HTR2C: variants seen among roughly 807,000 people sequenced by gnomAD.
The protein encoded by HTR2C is 5-hydroxytryptamine receptor 2C.
A neutral mutation model predicts 21.0 loss-of-function variants in HTR2C; 5 were observed. The observed-to-expected ratio is 0.24, with a 90% CI of 0.12 to 0.50. The LOEUF (loss-of-function observed/expected upper bound fraction) is 0.50, where lower values mean the gene tolerates loss of function less well. HTR2C is among the 20% of genes least tolerant of loss of function. The pLI, the probability that HTR2C is intolerant of heterozygous loss-of-function variation, is 0.98. For missense variants in HTR2C, 271 were observed against 371.2 expected (o/e 0.73, Z 2.22); for synonymous variants, 150 against 145.3 (o/e 1.03, Z -0.23).
intron 2 of HTR2C, among the ~76,000 whole-genome samples, chrX:114,704,113 T>C (rs1295656642): frequency 1.1e-4 from 12 of 111,541 alleles, no homozygotes; most frequent in South Asian, 3.8e-4. Context: ...GATTCACAGC[T>C]GAATTCTACT....
chrX:114,775,004 T>C, intron 4 of HTR2C: 1 of 488,701 alleles, frequency 2.0e-6, no homozygotes, highest in Non-Finnish European at 3.7e-6. Context: ...AATTCTTCCT[T>C]CTTAGCAGCC....
At chrX:114,661,433 A>G (rs1930985705) in intron 2 of HTR2C, among the ~76,000 whole-genome samples, 1 of 111,362 alleles carries the variant, frequency 9.0e-6, no homozygotes, top group African/African-American at 3.3e-5. Context: ...TATCCAATAA[A>G]CCATTCCAAA....
At chrX:114,624,069 T>G (rs995898513) in intron 2 of HTR2C, among the ~76,000 whole-genome samples, 2 of 108,050 alleles carry the variant, frequency 1.9e-5, no homozygotes, top group East Asian at 5.9e-4. Context: ...CCACCACACC[T>G]GGCTAAGTTT....
chrX:114,652,806 C>T, intron 2 of HTR2C: 1 of 250,066 alleles, frequency 4.0e-6, no homozygotes, highest in Non-Finnish European at 8.4e-6. Context: ...CAAGTGATCG[C>T]CATATCTGAA....
At chrX:114,701,674 G>A (rs1329834578) in intron 2 of HTR2C, among the ~76,000 whole-genome samples, 8 of 112,389 alleles carry the variant, frequency 7.1e-5, no homozygotes, top group Non-Finnish European at 1.1e-4. Flanking sequence ...CCAAAGGAAC[G>A]CAGTTCCTCA....
At chrX:114,736,088 G>A (rs2069587720) in intron 4 of HTR2C, among the ~76,000 whole-genome samples, 1 of 109,599 alleles carries the variant, frequency 9.1e-6, no homozygotes, top group East Asian at 2.9e-4. Context: ...ACTCCAGCCT[G>A]GGCGGCAGAG....
At chrX:114,717,145 C>T (rs781970530) in intron 2 of HTR2C, among the ~76,000 whole-genome samples, 2 of 110,332 alleles carry the variant, frequency 1.8e-5, no homozygotes, top group Non-Finnish European at 3.8e-5. Flanking sequence ...GATCAGGGCT[C>T]ACTGCAGCCT....
At chrX:114,887,862 A>G (rs1230586228) in intron 5 of HTR2C, among the ~76,000 whole-genome samples, 1 of 110,341 alleles carries the variant, frequency 9.1e-6, no homozygotes, top group Admixed American at 9.6e-5. Flanking sequence ...TCTACTAAAA[A>G]AATTAGCTGG....
chrX:114,886,635 T>G (rs1192166976), intron 5 of HTR2C, among the ~76,000 whole-genome samples: 1 of 111,091 alleles, frequency 9.0e-6, no homozygotes, highest in African/African-American at 3.3e-5. Flanking sequence ...TTTTTCCCCT[T>G]TCTGAAGTAT....
At chrX:114,790,183 G>T (rs1357737593) in intron 4 of HTR2C, among the ~76,000 whole-genome samples, 2 of 111,545 alleles carry the variant, frequency 1.8e-5, no homozygotes, top group Non-Finnish European at 3.8e-5. Flanking sequence ...ATGGTACATG[G>T]AGTTAGATGT....
At chrX:114,701,673 C>T (rs187753582) in intron 2 of HTR2C, among the ~76,000 whole-genome samples, 217 of 112,373 alleles carry the variant, frequency 1.9e-3, no homozygotes, top group Non-Finnish European at 3.3e-3. Context: ...TCCAAAGGAA[C>T]GCAGTTCCTC....
At chrX:114,741,339 T>C (rs2069643031) in intron 4 of HTR2C, among the ~76,000 whole-genome samples, 1 of 103,742 alleles carries the variant, frequency 9.6e-6, no homozygotes, top group South Asian at 4.6e-4. Flanking sequence ...GCCAATATGG[T>C]GAAACCCCAT....
At chrX:114,833,222 C>T (rs1251051561) in intron 4 of HTR2C, among the ~76,000 whole-genome samples, 4 of 102,599 alleles carry the variant, frequency 3.9e-5, no homozygotes, top group African/African-American at 1.0e-4. Context: ...CATAAAATGA[C>T]TTAGGGAGGA....
chrX:114,631,316 A>G (rs1398304515), intron 2 of HTR2C, among the ~76,000 whole-genome samples: 1 of 111,111 alleles, frequency 9.0e-6, no homozygotes, highest in Non-Finnish European at 1.9e-5. Context: ...GAAAAAAAAA[A>G]AAAAAAGTGA....
intron 5 of HTR2C, among the ~76,000 whole-genome samples, chrX:114,899,752 G>A (rs1356638741): frequency 9.3e-6 from 1 of 107,181 alleles, no homozygotes; most frequent in East Asian, 2.8e-4. Flanking sequence ...TGAAGATACT[G>A]TATTCACTCA....
chrX:114,862,287 A>T (rs781894046), intron 5 of HTR2C, among the ~76,000 whole-genome samples: 1 of 110,620 alleles, frequency 9.0e-6, no homozygotes, highest in South Asian at 3.8e-4. Context: ...AAACAAATTG[A>T]CAATTTGTGT....
intron 4 of HTR2C, among the ~76,000 whole-genome samples, chrX:114,765,910 C>G (rs782550680): frequency 2.7e-5 from 3 of 111,278 alleles, no homozygotes; most frequent in Non-Finnish European, 5.7e-5. Flanking sequence ...TGCTATCATG[C>G]AATTAGAAAT....
At chrX:114,700,751 C>T (rs782558072) in intron 2 of HTR2C, among the ~76,000 whole-genome samples, 54 of 112,544 alleles carry the variant, frequency 4.8e-4, no homozygotes, top group African/African-American at 1.5e-3. Context: ...CGAAGCACGG[C>T]GAGGCATTGC....
At chrX:114,794,632 T>C in intron 4 of HTR2C, among the ~76,000 whole-genome samples, 1 of 104,092 alleles carries the variant, frequency 9.6e-6, no homozygotes. Flanking sequence ...CAGTGTTTGG[T>C]TTTCTGTCCT....
Sources: allele counts gnomAD v4.1 joint callset (sites outside exome capture counted in the v4.1 genomes callset), GRCh38; gene constraint gnomAD v4.1.1; transcripts MANE v1.5; gene names NCBI Gene and HGNC (gene_info 2026-07-23, HGNC 2026-07-21).